DHRS7C: variants seen among roughly 807,000 people sequenced by gnomAD.
DHRS7C encodes dehydrogenase/reductase 7C, also known as dehydrogenase/reductase SDR family member 7C.
A neutral mutation model predicts 29.6 loss-of-function variants in DHRS7C; 28 were observed. The observed-to-expected ratio is 0.95, with a 90% CI of 0.70 to 1.30. DHRS7C has a LOEUF of 1.30. DHRS7C is among the 50% of genes most tolerant of loss of function. The probability of loss-of-function intolerance (pLI) is 0.00; values close to 1 mark genes in which losing one functional copy is unlikely to be tolerated. For synonymous variants in DHRS7C, 158 were observed against 160.2 expected (o/e 0.99, Z 0.10); for missense variants, 403 against 393.3 (o/e 1.02, Z -0.21).
In DHRS7C at chr17:9,771,862, A is replaced by G. The variant is rs1395130689; in HGVS notation, c.728-166T>C. ...CGCGGACCGCGGCGACCAGCGGGAGACACTCCACTCTCTGCGCTTCCTTCT... is the reference window on the plus strand; with the variant it reads ...CGCGGACCGCGGCGACCAGCGGGAGGCACTCCACTCTCTGCGCTTCCTTCT... On this transcript the variant is annotated intron_variant, in intron 5 of 5. Coordinates refer to ENST00000571134, the MANE Select transcript of DHRS7C (RefSeq NM_001105571.3). Among the ~76,000 whole-genome samples the G allele has an allele frequency of 2.6e-5, 4 of 152,280 alleles. No homozygotes were observed. The East Asian group carries it at 7.7e-4, about 29-fold the overall frequency.
In DHRS7C at chr17:9,777,302, G is replaced by T; in HGVS notation, c.479-17C>A. On this transcript the variant is annotated splice_polypyrimidine_tract_variant and intron_variant, in intron 3 of 5. Transcript: ENST00000571134. ...GAAGCAGGGCTGGAAAACACAGGAC[G>T]ATGCATCATGGTTAAAACTTTGAGA... 6.2e-7 allele frequency: 1 copy of T among 1,607,040 alleles called. No individual in the cohort carries two copies. Among genetic ancestry groups the T allele is most frequent in the South Asian group, 1.1e-5 (1 of 90,236 alleles).
chr17:9,780,188 G>T, intron 2 of DHRS7C, 153 bp from the exon 3 acceptor site: 1 of 731,714 alleles, frequency 1.4e-6, no homozygotes, highest in Non-Finnish European at 2.2e-6. Context: ...AGATGATTCT[G>T]GGATGGAGGA....
At chr17:9,786,595 T>TA (rs35200626) in intron 1 of DHRS7C, among the ~76,000 whole-genome samples, 19,537 of 152,010 alleles carry the variant, frequency 0.13, 1,633 homozygotes, top group Non-Finnish European at 0.2. Context: ...TCTTTTTACT[T>TA]AAAAAAATTC....
chr17:9,783,456 A>G (rs148987154), intron 1 of DHRS7C, among the ~76,000 whole-genome samples: 8 of 152,352 alleles, frequency 5.3e-5, no homozygotes, highest in Non-Finnish European at 7.3e-5. Flanking sequence ...TTTATATGGC[A>G]TATTTTGCAC....
intron 3 of DHRS7C, 23 bp from the exon 4 acceptor site, chr17:9,777,308 TC>T: frequency 6.2e-7 from 1 of 1,605,436 alleles, no homozygotes; most frequent in Non-Finnish European, 8.5e-7. Flanking sequence ...GGACGATGCA[TC>T]ATGGTTAAAA....
At position 9,777,384 on chromosome 17, in the gene DHRS7C, C is replaced by A. The variant is rs77251828; in HGVS notation, c.479-99G>T. The A allele has an allele frequency of 2.0e-3, 1,635 of 837,560 alleles. 36 individuals carry two copies. In the East Asian group the frequency reaches 0.037, roughly 19 times the overall value. 51.9% of individuals were successfully genotyped at this position (837,560 alleles called of 1,614,324 possible). Reference sequence around the variant, plus strand: ...CCCCGGTACCCTCATCACAGGGCTCCGCTACCTCCGCGGTAACTAGATTGC... The same window carrying A: ...CCCCGGTACCCTCATCACAGGGCTCAGCTACCTCCGCGGTAACTAGATTGC... On this transcript the variant is annotated intron_variant, in intron 3 of 5. Transcript: ENST00000571134.
In DHRS7C at chr17:9,777,182, T is replaced by G. The variant is rs544431813; in HGVS notation, c.571+11A>C. On this transcript the variant is annotated intron_variant, in intron 4 of 5. Coordinates refer to ENST00000571134, the MANE Select transcript of DHRS7C (RefSeq NM_001105571.3). ...AACAGAAGATATCATATTTTTATCT[T>G]AGCAACTTACAAGTCGTACGGAACG... 6.2e-5 allele frequency: 100 copies of G among 1,607,424 alleles called. No individual in the cohort carries two copies. Among genetic ancestry groups the G allele is most frequent in the Non-Finnish European group, 8.3e-5 (98 of 1,175,220 alleles).
chr17:9,771,497 C>T lies in DHRS7C; in HGVS notation c.927G>A (p.Glu309=), dbSNP rs1385482245. Residue 309 remains glutamate, a synonymous_variant, in exon 6 of 6, where the codon GAG becomes GAA. Transcript: ENST00000571134. ...CGVKEKLNVP[E]EG ...ATTTGGCCTCCTGCAGTTACCCCTCCTCCGGGACATTGAGCTTCTCCTTCA... is the reference window on the plus strand; with the variant it reads ...ATTTGGCCTCCTGCAGTTACCCCTCTTCCGGGACATTGAGCTTCTCCTTCA... 3 of 1,534,328 alleles carry T rather than the reference C, an allele frequency of 2.0e-6. No homozygotes were observed. The highest frequency in any genetic ancestry group is 2.6e-6 in the Non-Finnish European group (3 of 1,137,428).
At chr17:9,786,930 C>T (rs1051740713) in intron 1 of DHRS7C, among the ~76,000 whole-genome samples, 1 of 152,108 alleles carries the variant, frequency 6.6e-6, no homozygotes, top group African/African-American at 2.4e-5. Flanking sequence ...CGCTCCCTCC[C>T]TCTCTTGATG....
intron 1 of DHRS7C, chr17:9,783,080 G>A (rs1240958599): frequency 6.6e-6 from 1 of 152,324 alleles, no homozygotes. Context: ...GAGCAGGAGT[G>A]AAGGCAGAAA....
At chr17:9,781,224 T>G (rs756978240) in intron 2 of DHRS7C, among the ~76,000 whole-genome samples, 1 of 152,226 alleles carries the variant, frequency 6.6e-6, no homozygotes, top group Non-Finnish European at 1.5e-5. Context: ...TTCTGGATCC[T>G]TGTTGAGTTT....
chr17:9,771,507 T>A lies in DHRS7C; in HGVS notation c.917A>T (p.Asn306Ile). Residue 306 changes from asparagine (N) to isoleucine (I), a missense_variant, in exon 6 of 6, where the codon AAT becomes ATT. Transcript: ENST00000571134. ...CTGCAGTTACCCCTCCTCCGGGACA[T>A]TGAGCTTCTCCTTCACCCCACAGGC... is the stretch of plus-strand genomic sequence containing the variant. ...VVACGVKEKL[N>I]VPEEG 6.5e-7 allele frequency: 1 copy of A among 1,547,244 alleles called. No individual in the cohort carries two copies.
chr17:9,773,634 C>T lies in DHRS7C; in HGVS notation c.572-712G>A, dbSNP rs185897650. Among the ~76,000 whole-genome samples, 22 of 151,564 alleles carry T rather than the reference C, an allele frequency of 1.5e-4. No homozygotes were observed. In the East Asian group the frequency reaches 4.3e-3, roughly 29 times the overall value. On this transcript the variant is annotated intron_variant, in intron 4 of 5. Coordinates refer to ENST00000571134, the MANE Select transcript of DHRS7C (RefSeq NM_001105571.3). Reference sequence around the variant, plus strand: ...GGTGGATGTACTGTGGTTCCTGCCACTGTGCCCAGATGCCTTCAACCAGAA... The same window carrying T: ...GGTGGATGTACTGTGGTTCCTGCCATTGTGCCCAGATGCCTTCAACCAGAA...
At chr17:9,789,799 C>T (rs1597932484) in intron 1 of DHRS7C, among the ~76,000 whole-genome samples, 1 of 152,306 alleles carries the variant, frequency 6.6e-6, no homozygotes, top group Middle Eastern at 3.4e-3. Context: ...TTCCAGCTCT[C>T]CAGGGCGGCA....
At position 9,772,824 on chromosome 17, in the gene DHRS7C, T is replaced by C. The variant is rs1190096783; in HGVS notation, c.670A>G (p.Ile224Val). The change falls in exon 5 of 6, where the codon ATC becomes GTC. Residue 224 changes from isoleucine to valine, a missense_variant. Transcript: ENST00000571134. The stretch of plus-strand genomic sequence containing the variant: ...TCTGGATACACGTGGTACGACCGGA[T>C]GAAAGTCGGGCTCACGGTGCTGATG... ...VVISTVSPTFIRSYHVYPEQG... is the reference protein window; with the variant it reads ...VVISTVSPTFVRSYHVYPEQG... 6.2e-7 allele frequency: 1 copy of C among 1,613,952 alleles called. No homozygotes were observed. The highest frequency in any genetic ancestry group is 1.1e-5 in the South Asian group (1 of 91,086).
intron 5 of DHRS7C, among the ~76,000 whole-genome samples, 182 bp downstream of exon 5, chr17:9,772,585 C>T (rs905928843): frequency 6.6e-5 from 10 of 152,144 alleles, no homozygotes; most frequent in Admixed American, 4.6e-4. Flanking sequence ...TTCTGTCTAC[C>T]GGGTGCCTCA....
chr17:9,781,206 CCT>C, intron 2 of DHRS7C, among the ~76,000 whole-genome samples: 1 of 152,238 alleles, frequency 6.6e-6, no homozygotes, highest in Middle Eastern at 3.4e-3. Flanking sequence ...CCTGTAACAT[CCT>C]CTGTCTTCTG....
intron 1 of DHRS7C, among the ~76,000 whole-genome samples, chr17:9,782,292 C>T (rs531809433): frequency 6.6e-6 from 1 of 152,188 alleles, no homozygotes; most frequent in East Asian, 1.9e-4. Flanking sequence ...CCTTATGAGA[C>T]AGTATCTTTA....
At position 9,779,857 on chromosome 17, in the gene DHRS7C, G is replaced by T; in HGVS notation, c.446C>A (p.Ala149Asp). ...CAATGTGATGGGGCCAAAGTAATTG[G>T]CATCCATGATCTTTTTGTCGAGCTC... ...SLELDKKIMD[A>D]NYFGPITLTK... Residue 149 changes from alanine to aspartate, a missense_variant, in exon 3 of 6, where the codon GCC becomes GAC. Physicochemically the swap from Ala to Asp is moderately radical, Grantham distance 126 (BLOSUM62 -2). Coordinates refer to ENST00000571134, the MANE Select transcript of DHRS7C (RefSeq NM_001105571.3). 1 of 1,613,508 alleles carries T rather than the reference G, an allele frequency of 6.2e-7. No individual in the cohort carries two copies. The highest frequency in any genetic ancestry group is 8.5e-7 in the Non-Finnish European group (1 of 1,179,728).
Sources: allele counts gnomAD v4.1 joint callset (sites outside exome capture counted in the v4.1 genomes callset), GRCh38; gene constraint gnomAD v4.1.1; transcripts MANE v1.5; gene names NCBI Gene and HGNC (gene_info 2026-07-23, HGNC 2026-07-21).